The following KLHL13 variants were observed in gnomAD, a reference collection of about 807,000 sequenced individuals.
KLHL13 encodes kelch-like protein 13.
Under a neutral mutation model 37.1 loss-of-function variants are expected in KLHL13, and 10 were observed. The observed-to-expected ratio is 0.27, with a 90% CI of 0.17 to 0.46. KLHL13 has a LOEUF of 0.46. Ranked by LOEUF, KLHL13 falls within the 20% of genes least tolerant of loss-of-function variation. KLHL13 has a pLI of 1.00. For missense variants in KLHL13, 360 were observed against 509.3 expected, an observed-to-expected ratio of 0.71 and a Z score of 2.82; for synonymous variants, 163 against 181.2, an observed-to-expected ratio of 0.90 and a Z score of 0.81.
At chrX:118,063,726 GCT>G (rs1239339462) in intron 1 of KLHL13, among the ~76,000 whole-genome samples, 4 of 111,311 alleles carry the variant, frequency 3.6e-5, no homozygotes, top group Non-Finnish European at 7.6e-5. Context: ...GGAGCATCTA[GCT>G]CATCCTCATC....
intron 1 of KLHL13, among the ~76,000 whole-genome samples, chrX:118,076,342 T>C (rs1027998013): frequency 1.2e-4 from 13 of 111,842 alleles, no homozygotes; most frequent in Non-Finnish European, 1.9e-4. Flanking sequence ...TTATACACAA[T>C]TGGGATTTAT....
intron 2 of KLHL13, among the ~76,000 whole-genome samples, chrX:117,923,179 C>T (rs1176932891): frequency 1.8e-5 from 2 of 111,988 alleles, no homozygotes; most frequent in Non-Finnish European, 3.8e-5. Flanking sequence ...CTTCCTTGTA[C>T]ATACACTTAG....
intron 2 of KLHL13, among the ~76,000 whole-genome samples, chrX:117,939,673 C>T (rs190990862): frequency 1.8e-5 from 2 of 111,181 alleles, no homozygotes; most frequent in African/African-American, 6.6e-5. Flanking sequence ...TTTTGATTTG[C>T]ATTTCTCTAA....
chrX:118,114,517 A>C (rs1369264127), intron 1 of KLHL13, among the ~76,000 whole-genome samples: 1 of 112,546 alleles, frequency 8.9e-6, no homozygotes, highest in Non-Finnish European at 1.9e-5. Context: ...TGAAAAGAAA[A>C]AAGTAAGAAA....
intron 1 of KLHL13, among the ~76,000 whole-genome samples, chrX:117,986,149 A>G (rs2053723678): frequency 1.8e-5 from 2 of 111,589 alleles, no homozygotes; most frequent in African/African-American, 6.5e-5. Context: ...CTGACAATAC[A>G]AAATATGGTG....
intron 1 of KLHL13, among the ~76,000 whole-genome samples, chrX:118,064,805 A>G (rs769492739): frequency 9.9e-5 from 11 of 111,613 alleles, no homozygotes; most frequent in Admixed American, 4.8e-4. Flanking sequence ...GTGTGTTTTA[A>G]TTTCTTCACT....
chrX:118,071,986 G>C (rs1222231505), intron 1 of KLHL13, among the ~76,000 whole-genome samples: 1 of 110,889 alleles, frequency 9.0e-6, no homozygotes, highest in African/African-American at 3.3e-5. Flanking sequence ...CTACTTTAAA[G>C]TTCATATGGA....
chrX:118,032,023 G>A (rs944243252), intron 1 of KLHL13, among the ~76,000 whole-genome samples: 3 of 111,321 alleles, frequency 2.7e-5, no homozygotes, highest in African/African-American at 6.5e-5. Flanking sequence ...CGAATACTGC[G>A]CTTTTCCGAC....
At chrX:117,957,991 T>C (rs1452022689) in intron 1 of KLHL13, among the ~76,000 whole-genome samples, 1 of 111,920 alleles carries the variant, frequency 8.9e-6, no homozygotes, top group Non-Finnish European at 1.9e-5. Flanking sequence ...AGTATTTTGG[T>C]CACTAGTAGA....
chrX:118,006,113 G>A (rs5956845), intron 1 of KLHL13, among the ~76,000 whole-genome samples: 6,231 of 111,332 alleles, frequency 0.056, 430 homozygotes, highest in African/African-American at 0.19. Context: ...CTACCACCCA[G>A]TGATTATTAG....
intron 5 of KLHL13, among the ~76,000 whole-genome samples, chrX:117,906,120 T>A (rs182459304): frequency 0.012 from 1,308 of 111,508 alleles, 7 homozygotes; most frequent in Middle Eastern, 0.032. Context: ...TCAGTTACAA[T>A]GGGAATGTTA....
chrX:117,920,270 G>C (rs774910888), exon 3 of KLHL13: 1 of 1,209,194 alleles, frequency 8.3e-7, no homozygotes, highest in South Asian at 1.8e-5. Flanking sequence ...ATCACTAGCA[G>C]ATGCCATCAT....
At chrX:117,957,589 C>A (rs1032267537) in intron 1 of KLHL13, among the ~76,000 whole-genome samples, 30 of 112,063 alleles carry the variant, frequency 2.7e-4, no homozygotes, top group South Asian at 1.1e-3. Flanking sequence ...ATTTTTAACA[C>A]AAAGAAAATT....
At chrX:118,116,897 G>GGCGGCGGGGGTGGCC (rs2055478753), upstream of KLHL13, 1 of 100,207 alleles carries the variant, frequency 1.0e-5, no homozygotes, top group African/African-American at 3.6e-5. Context: ...GGGGAAACAT[G>GGCGGCGGGGGTGGCC]GCGGCGGGGG....
chrX:117,923,585 T>C (rs1407193044), intron 2 of KLHL13, among the ~76,000 whole-genome samples: 1 of 112,420 alleles, frequency 8.9e-6, no homozygotes, highest in African/African-American at 3.2e-5. Context: ...GCCTTTAAAA[T>C]ATTCCTGCAA....
At chrX:117,994,873 T>C (rs756533157) in intron 1 of KLHL13, among the ~76,000 whole-genome samples, 3 of 111,128 alleles carry the variant, frequency 2.7e-5, no homozygotes, top group South Asian at 7.7e-4. Flanking sequence ...CTGGACAACA[T>C]AGTGAGACTT....
intron 1 of KLHL13, among the ~76,000 whole-genome samples, chrX:118,017,077 C>G (rs2054135218): frequency 9.0e-6 from 1 of 111,269 alleles, no homozygotes; most frequent in African/African-American, 3.3e-5. Context: ...ATCCACACAG[C>G]CACCAAAGTG....
At chrX:117,931,416 G>A (rs990356728) in intron 2 of KLHL13, among the ~76,000 whole-genome samples, 5 of 111,247 alleles carry the variant, frequency 4.5e-5, no homozygotes, top group African/African-American at 1.3e-4. Context: ...TGATACCCTC[G>A]TTATGGCCTC....
At chrX:117,973,478 T>C in exon 1 of KLHL13, 1 of 932,054 alleles carries the variant, frequency 1.1e-6, no homozygotes, top group South Asian at 2.3e-5. Context: ...AAATCAAGAA[T>C]GCCATTATGG....
Sources: gnomAD v4.1 joint callset for allele counts (sites outside exome capture counted in the v4.1 genomes callset) on GRCh38, gnomAD v4.1.1 for gene constraint, MANE v1.5 for transcripts, NCBI Gene and HGNC (gene_info 2026-07-23, HGNC 2026-07-21) for gene names.